The following LMBR1 variants were observed in gnomAD, a reference collection of about 807,000 sequenced individuals.
The protein encoded by LMBR1 is limb development membrane protein 1.
A neutral mutation model predicts 73.9 loss-of-function variants in LMBR1; 52 were observed. The ratio of observed to expected loss-of-function variants is 0.70; its 90% CI spans 0.56 to 0.89. The LOEUF (loss-of-function observed/expected upper bound fraction) is 0.89. Ranked by LOEUF, LMBR1 falls within the 40% of genes least tolerant of loss-of-function variation. The pLI is 0.00. For synonymous variants in LMBR1, 215 were observed against 209.4 expected (o/e 1.03, Z -0.23); for missense variants, 539 against 579.8 (o/e 0.93, Z 0.72).
intron 3 of LMBR1, among the ~76,000 whole-genome samples, chr7:156,828,618 T>A (rs1168907715): frequency 6.6e-6 from 1 of 152,170 alleles, no homozygotes; most frequent in Non-Finnish European, 1.5e-5. Context: ...AAAAGCCATA[T>A]CTACAGATCA....
At chr7:156,802,661 T>G (rs113151257) in intron 4 of LMBR1, among the ~76,000 whole-genome samples, 4,838 of 152,172 alleles carry the variant, frequency 0.032, 122 homozygotes, top group South Asian at 0.085. Context: ...ATTTGATAAG[T>G]TTTGTCATGA....
chr7:156,761,224 G>A (rs1469351255), intron 8 of LMBR1, among the ~76,000 whole-genome samples: 2 of 152,186 alleles, frequency 1.3e-5, no homozygotes, highest in Non-Finnish European at 2.9e-5. Flanking sequence ...GTTTACTCTT[G>A]AGTTCATAGG....
intron 1 of LMBR1, among the ~76,000 whole-genome samples, chr7:156,890,608 G>A (rs1802735225): frequency 6.6e-6 from 1 of 152,080 alleles, no homozygotes; most frequent in Admixed American, 6.5e-5. Context: ...TAGTTATCAG[G>A]AAAATGCAAA....
chr7:156,710,603 T>C (rs1811874065), intron 15 of LMBR1, among the ~76,000 whole-genome samples: 1 of 152,232 alleles, frequency 6.6e-6, no homozygotes, highest in Admixed American at 6.5e-5. Flanking sequence ...AAAACTTATT[T>C]GAGGGAATAA....
chr7:156,816,864 T>C (rs1274442454), intron 4 of LMBR1, among the ~76,000 whole-genome samples: 1 of 152,160 alleles, frequency 6.6e-6, no homozygotes, highest in Non-Finnish European at 1.5e-5. Context: ...GATAAATCAT[T>C]CTTAAAAATT....
At chr7:156,804,123 A>C (rs142639738) in intron 4 of LMBR1, among the ~76,000 whole-genome samples, 4,837 of 152,200 alleles carry the variant, frequency 0.032, 125 homozygotes, top group South Asian at 0.084. Context: ...TGCACATGTA[A>C]CCTAAAACTT....
At chr7:156,768,749 A>G (rs926431462) in intron 5 of LMBR1, among the ~76,000 whole-genome samples, 3 of 152,198 alleles carry the variant, frequency 2.0e-5, no homozygotes, top group Non-Finnish European at 4.4e-5. Flanking sequence ...AGGCCTGTTA[A>G]GCTTCTTCCA....
rs1803464555 is a variant in LMBR1, at chr7:156,893,043, A to G, written c.-50T>C. The G allele has an allele frequency of 1.4e-6, 2 of 1,410,524 alleles. No individual in the cohort carries two copies. The highest frequency in any genetic ancestry group is 1.8e-6 in the Non-Finnish European group (2 of 1,084,528). The allele number at this position is 1,410,524 out of a possible 1,614,324, so 87.4% of individuals were successfully genotyped here. A position where few individuals can be genotyped will look rare whatever the true frequency, so the allele number is the denominator to read the frequency against. On this transcript the variant is annotated 5_prime_UTR_variant, in exon 1 of 17. Coordinates refer to ENST00000353442, the MANE Select transcript of LMBR1 (RefSeq NM_022458.4). ...CGCCCGCGTCCGCGTGCTCCGCCACACCATCGTCCGCCCGCCGCAGGGGCT... is the reference window on the plus strand; with the variant it reads ...CGCCCGCGTCCGCGTGCTCCGCCACGCCATCGTCCGCCCGCCGCAGGGGCT...
intron 10 of LMBR1, among the ~76,000 whole-genome samples, chr7:156,733,570 A>C (rs1475891630): frequency 2.0e-5 from 3 of 152,208 alleles, no homozygotes; most frequent in Non-Finnish European, 2.9e-5. Context: ...AGATTGGTGA[A>C]AGTGAAGACA....
rs542459409 is a variant in LMBR1, at chr7:156,891,354, T to C, written c.66+1574A>G. Among the ~76,000 whole-genome samples the C allele has an allele frequency of 1.3e-4, 19 of 150,382 alleles. 1 individual carries two copies. In the East Asian group the frequency reaches 3.3e-3, roughly 26 times the overall value. ...CATCAACAGTAAAATGAAAAATAAA[T>C]TGTGCTATAGTCACACAACTACTGC... is the stretch of plus-strand genomic sequence containing the variant. On this transcript the variant is annotated intron_variant, in intron 1 of 16. Transcript: ENST00000353442.
intron 15 of LMBR1, among the ~76,000 whole-genome samples, chr7:156,691,077 A>C (rs1563141847): frequency 6.6e-6 from 1 of 152,230 alleles, no homozygotes; most frequent in East Asian, 1.9e-4. Context: ...AAAACCAAGC[A>C]AATTTTTTAA....
intron 1 of LMBR1, chr7:156,892,625 A>C (rs1586523622): frequency 7.5e-6 from 2 of 265,334 alleles, no homozygotes; most frequent in Non-Finnish European, 7.1e-6. Flanking sequence ...GGCAGCACCG[A>C]GGCCGCGGGG....
At chr7:156,748,541 T>G (rs1232924312) in intron 9 of LMBR1, among the ~76,000 whole-genome samples, 1 of 152,180 alleles carries the variant, frequency 6.6e-6, no homozygotes, top group Non-Finnish European at 1.5e-5. Context: ...CAGGCTGTAG[T>G]GCACTGGCAT....
At position 156,738,475 on chromosome 7, in the gene LMBR1, G is replaced by A. The variant is rs1250219832; in HGVS notation, c.758-4218C>T. Among the ~76,000 whole-genome samples, 3 of 152,174 alleles carry A rather than the reference G, an allele frequency of 2.0e-5. No individual in the cohort carries two copies. The South Asian group carries it at 6.2e-4, about 32-fold the overall frequency. ...CTGGGCTTAGAGCCAGTGGACTAGGGCAGCATGTACCAGACACAGTGGCTA... is the reference window on the plus strand; with the variant it reads ...CTGGGCTTAGAGCCAGTGGACTAGGACAGCATGTACCAGACACAGTGGCTA... On this transcript the variant is annotated intron_variant, in intron 9 of 16. Transcript: ENST00000353442.
intron 15 of LMBR1, among the ~76,000 whole-genome samples, chr7:156,701,789 C>T (rs1809752915): frequency 6.6e-6 from 1 of 152,224 alleles, no homozygotes; most frequent in Non-Finnish European, 1.5e-5. Flanking sequence ...CTCTCCCTCC[C>T]CCGACCAAGG....
intron 15 of LMBR1, among the ~76,000 whole-genome samples, chr7:156,717,834 T>G (rs1486391242): frequency 6.6e-6 from 1 of 152,118 alleles, no homozygotes; most frequent in Non-Finnish European, 1.5e-5. Flanking sequence ...ATTTTAAAAT[T>G]TTCTACAAAG....
At chr7:156,724,002 G>T in intron 15 of LMBR1, 110 bp downstream of exon 15, 1 of 735,042 alleles carries the variant, frequency 1.4e-6, no homozygotes. Context: ...AATGTAGGAA[G>T]AAACACTGTA....
chr7:156,722,005 A>T (rs1286486700), intron 15 of LMBR1, among the ~76,000 whole-genome samples: 1 of 54,658 alleles, frequency 1.8e-5, no homozygotes, highest in Non-Finnish European at 2.9e-5. Context: ...TTTTTGAAGC[A>T]AAAACATCAT....
At chr7:156,727,801 G>T in intron 12 of LMBR1, 129 bp downstream of exon 12, 1 of 440,672 alleles carries the variant, frequency 2.3e-6, no homozygotes, top group Non-Finnish European at 3.9e-6. Context: ...TTTGCATAAA[G>T]AAATTCATAC....
Sources: gnomAD v4.1 joint callset for allele counts (sites outside exome capture counted in the v4.1 genomes callset) on GRCh38, gnomAD v4.1.1 for gene constraint, MANE v1.5 for transcripts, NCBI Gene and HGNC (gene_info 2026-07-23, HGNC 2026-07-21) for gene names.